CYRIB: variants seen among roughly 807,000 people sequenced by gnomAD.
The protein encoded by CYRIB is CYFIP-related Rac1 interactor B.
In CYRIB, 8 loss-of-function variants were observed where a neutral mutation model predicts 44.2. The observed-to-expected ratio is 0.18, with a 90% CI of 0.11 to 0.33. The LOEUF is 0.33. Ranked by LOEUF, CYRIB falls within the 10% of genes least tolerant of loss-of-function variation. The pLI, the probability that CYRIB is intolerant of heterozygous loss-of-function variation, is 1.00. For synonymous variants in CYRIB, 131 were observed against 127.2 expected (o/e 1.03, Z -0.20); for missense variants, 185 against 382.8 (o/e 0.48, Z 4.31).
chr8:129,848,490 C>G (rs563388877), intron 10 of CYRIB, among the ~76,000 whole-genome samples: 6 of 152,326 alleles, frequency 3.9e-5, no homozygotes, highest in African/African-American at 1.4e-4. Flanking sequence ...CGAGAGCCAA[C>G]TATAGTCACA....
intron 4 of CYRIB, 48 bp downstream of exon 6, chr8:129,871,327 T>A (rs1194467856): frequency 6.4e-7 from 1 of 1,570,054 alleles, no homozygotes; most frequent in Non-Finnish European, 8.6e-7. Context: ...TACAAAGAGG[T>A]GGGACAGTAA....
intron 1 of CYRIB, among the ~76,000 whole-genome samples, chr8:129,974,696 T>TAA (rs761290436): frequency 3.0e-4 from 40 of 135,118 alleles, no homozygotes; most frequent in African/African-American, 9.2e-4. Flanking sequence ...TTACTAGAAG[T>TAA]AAAAAAAAAA....
intron 1 of CYRIB, among the ~76,000 whole-genome samples, chr8:130,003,729 G>T (rs1001219208): frequency 6.6e-6 from 1 of 152,222 alleles, no homozygotes; most frequent in African/African-American, 2.4e-5. Context: ...ACAATGATGA[G>T]TTTATCTAGG....
exon 12 of CYRIB, chr8:129,840,749 T>G (rs927256547): frequency 1.3e-5 from 2 of 152,080 alleles, no homozygotes; most frequent in Non-Finnish European, 2.9e-5. Flanking sequence ...CAGCAAGCAG[T>G]AGGGCCTGGC....
intron 10 of CYRIB, 77 bp from the exon 13 acceptor site, chr8:129,846,951 AT>A (rs2040406287): frequency 1.3e-6 from 1 of 796,896 alleles, no homozygotes; most frequent in South Asian, 1.7e-5. Context: ...AGTAAAATAA[AT>A]CAAGACCATA....
intron 10 of CYRIB, among the ~76,000 whole-genome samples, chr8:129,848,002 C>T (rs1300432716): frequency 6.6e-6 from 1 of 152,154 alleles, no homozygotes; most frequent in South Asian, 2.1e-4. Flanking sequence ...GATGAGGTTT[C>T]ACCATGTTGG....
chr8:130,003,998 A>C (rs1458952492), intron 1 of CYRIB, among the ~76,000 whole-genome samples: 1 of 152,156 alleles, frequency 6.6e-6, no homozygotes, highest in Non-Finnish European at 1.5e-5. Context: ...CGGTAACCAA[A>C]AAGACTCTGC....
chr8:129,956,557 A>C (rs2094847008), intron 2 of CYRIB, among the ~76,000 whole-genome samples: 1 of 151,648 alleles, frequency 6.6e-6, no homozygotes, highest in Admixed American at 6.6e-5. Flanking sequence ...ACACACACAC[A>C]CCTGCTCCCA....
At chr8:129,865,637 A>C (rs1180713333) in intron 4 of CYRIB, among the ~76,000 whole-genome samples, 1 of 152,214 alleles carries the variant, frequency 6.6e-6, no homozygotes, top group African/African-American at 2.4e-5. Flanking sequence ...ATCTGGGTTA[A>C]CCTAAACAAA....
chr8:129,945,688 C>T (rs2094093357), intron 2 of CYRIB, among the ~76,000 whole-genome samples: 1 of 152,216 alleles, frequency 6.6e-6, no homozygotes, highest in South Asian at 2.1e-4. Context: ...CCTGCCTCAG[C>T]CTCCTGAGTG....
intron 1 of CYRIB, among the ~76,000 whole-genome samples, chr8:129,991,067 G>T (rs1477826598): frequency 6.6e-6 from 1 of 151,252 alleles, no homozygotes; most frequent in Non-Finnish European, 1.5e-5. Context: ...AGGAGGTGAG[G>T]GTTGCAGTGA....
chr8:130,008,851 T>G (rs1380551385), intron 1 of CYRIB, among the ~76,000 whole-genome samples: 3 of 152,190 alleles, frequency 2.0e-5, no homozygotes, highest in African/African-American at 7.2e-5. Context: ...TGCCCAAGTT[T>G]CACTTCCACG....
chr8:129,932,606 G>C (rs1363145225), intron 1 of CYRIB, among the ~76,000 whole-genome samples: 2 of 152,268 alleles, frequency 1.3e-5, no homozygotes, highest in Non-Finnish European at 2.9e-5. Context: ...ATCTGCCCTT[G>C]ATCTTTAACA....
intron 1 of CYRIB, among the ~76,000 whole-genome samples, chr8:129,988,844 G>GA (rs753528618): frequency 6.6e-6 from 1 of 151,830 alleles, no homozygotes; most frequent in Non-Finnish European, 1.5e-5. Context: ...GAGCCCTAAG[G>GA]AAAAAATCTA....
At chr8:129,852,637 CA>C (rs1320866649) in intron 7 of CYRIB, among the ~76,000 whole-genome samples, 2 of 151,938 alleles carry the variant, frequency 1.3e-5, no homozygotes, top group African/African-American at 4.8e-5. Flanking sequence ...GGTGATAACA[CA>C]AAAAGGGAGT....
rs571230990 is a variant in CYRIB at position 129,875,465 on chromosome 8, C to T, written c.73+3924G>A. Among the ~76,000 whole-genome samples, 9 of 152,062 alleles carry T rather than the reference C, an allele frequency of 5.9e-5. No individual in the cohort carries two copies. In the East Asian group the frequency reaches 1.7e-3, roughly 29 times the overall value. On this transcript the variant is annotated intron_variant, in intron 3 of 11. Transcript: ENST00000519824. Reference sequence around the variant, plus strand: ...GAATCAAGTGATCCTTTTGCTGTGGCCTCCCAAAGTGCTGGAATTACAGCC... The same window carrying T: ...GAATCAAGTGATCCTTTTGCTGTGGTCTCCCAAAGTGCTGGAATTACAGCC...
At chr8:129,987,875 C>G (rs1482200044) in intron 1 of CYRIB, among the ~76,000 whole-genome samples, 1 of 152,158 alleles carries the variant, frequency 6.6e-6, no homozygotes, top group African/African-American at 2.4e-5. Flanking sequence ...CCCGGCCCCA[C>G]CGTTTCTAGT....
chr8:129,991,966 A>C (rs2894502), intron 1 of CYRIB, among the ~76,000 whole-genome samples: 62 of 138,470 alleles, frequency 4.5e-4, no homozygotes, highest in African/African-American at 1.5e-3. Context: ...AAAAAAAAAA[A>C]AAAAAACAAT....
chr8:129,919,015 T>G (rs1051888179), intron 1 of CYRIB, among the ~76,000 whole-genome samples: 1 of 152,192 alleles, frequency 6.6e-6, no homozygotes, highest in Admixed American at 6.5e-5. Flanking sequence ...GTTTTACAGA[T>G]AGTTTTTAAA....
Sources: allele counts gnomAD v4.1 joint callset (sites outside exome capture counted in the v4.1 genomes callset), GRCh38; gene constraint gnomAD v4.1.1; transcripts MANE v1.5; gene names NCBI Gene and HGNC (gene_info 2026-07-23, HGNC 2026-07-21).